Variants in CELF6 observed in about 807,000 individuals in gnomAD.
The protein encoded by CELF6 is CUGBP Elav-like family member 6.
A neutral mutation model predicts 53.1 loss-of-function variants in CELF6; 32 were observed. The ratio of observed to expected loss-of-function variants is 0.60; its 90% confidence interval spans 0.46 to 0.81. CELF6 has a LOEUF of 0.81. Among genes scored for constraint, CELF6 ranks in the 30% least tolerant of loss-of-function variants. The probability of loss-of-function intolerance (pLI) is 0.00; values close to 1 mark genes in which losing one functional copy is unlikely to be tolerated. For synonymous variants in CELF6, 291 were observed against 288.8 expected (o/e 1.01, Z -0.08); for missense variants, 539 against 669.5 (o/e 0.81, Z 2.15).
rs1430876209 is a variant in CELF6, at chr15:72,319,859, C to T, written c.16G>A (p.Gly6Arg). The change falls in exon 1 of 13, where the codon GGA (glycine) becomes AGA (arginine). Residue 6 changes from glycine (G) to arginine (R), a missense_variant. Gly to Arg is a moderately radical substitution (Grantham distance 125). This residue lies in a region of CELF6 where 84 missense variants were observed against 87.9 expected (regional missense o/e 0.96). Transcript: ENST00000287202. The surrounding 1 kb of genome is among the most constrained non-coding windows in gnomAD (Gnocchi z 5.0). ...GGGCCAGCGGGCTGCGCTGACCCTC[C>T]CGGCGCCGCGGCCATGTCCCCGCCC... MAAAP[G>R]GSAQPAGPGP... The T allele has an allele frequency of 6.6e-7, 1 of 1,512,648 alleles. No individual in the cohort carries two copies. The highest frequency in any genetic ancestry group is 1.4e-5 in the African/African-American group (1 of 71,482). The allele number at this position is 1,512,648 out of a possible 1,614,324, so 93.7% of individuals were successfully genotyped here.
At position 72,304,749 on chromosome 15, in the gene CELF6, C is replaced by T; in HGVS notation, c.391G>A (p.Gly131Arg). 1.2e-6 allele frequency: 2 copies of T among 1,614,158 alleles called. No individual in the cohort carries two copies. Among genetic ancestry groups the T allele is most frequent in the Middle Eastern group, 1.7e-4 (1 of 6,060 alleles). The part of the protein sequence containing the change: ...QVKPAASEGR[G>R]EDRKLFVGML... The stretch of plus-strand genomic sequence containing the variant: ...GTTGGTCAGACAGGGAAGTTACCTC[C>T]TCGGCCCTCACTGGCAGCTGGCTTC... Residue 131 changes from glycine (G) to arginine (R), a missense_variant, in exon 3 of 13, where the codon GGA becomes AGA. Coordinates refer to ENST00000287202, the MANE Select transcript of CELF6 (RefSeq NM_052840.5).
chr15:72,317,462 G>A (rs1192586493), intron 1 of CELF6, among the ~76,000 whole-genome samples: 1 of 152,208 alleles, frequency 6.6e-6, no homozygotes, highest in Non-Finnish European at 1.5e-5. Context: ...TTAGAGAACT[G>A]AGCAAAACTC....
chr15:72,319,562 C>T lies in CELF6; in HGVS notation c.262+51G>A. 6.7e-7 allele frequency: 1 copy of T among 1,491,892 alleles called. No homozygotes were observed. Among genetic ancestry groups the T allele is most frequent in the Non-Finnish European group, 9.0e-7 (1 of 1,114,586 alleles). 92.4% of individuals were successfully genotyped at this position (1,491,892 alleles called of 1,614,324 possible). A position where few individuals can be genotyped will look rare whatever the true frequency, so the allele number is the denominator to read the frequency against. The stretch of plus-strand genomic sequence containing the variant: ...GGGCTGGGGCTGGGCTGGGGTCGGG[C>T]CACACTCTAATCGGATTGGGGCTGG... On this transcript the variant is annotated intron_variant, in intron 1 of 12. Coordinates refer to ENST00000287202, the MANE Select transcript of CELF6 (RefSeq NM_052840.5). This position sits in a 1 kb window ranked among gnomAD's most constrained non-coding sequence, Gnocchi z 5.0.
In CELF6 at chr15:72,289,459, G is replaced by T; in HGVS notation, c.796C>A (p.Leu266Ile). Residue 266 changes from leucine (L) to isoleucine (I), a missense_variant, in exon 7 of 13, where the codon CTA (leucine) becomes ATA (isoleucine). Physicochemically the swap from Leu to Ile is conservative, Grantham distance 5. Coordinates refer to ENST00000287202, the MANE Select transcript of CELF6 (RefSeq NM_052840.5). The surrounding 1 kb of genome is among the most constrained non-coding windows in gnomAD (Gnocchi z 7.6). ...ALLAAAQGPG[L>I]GPVAAVAAQM... ...GCCGCCACTGCCGCCACCGGGCCTA[G>T]GCCTGGGCCCTGTGCCGCCGCCAGC... is the stretch of plus-strand genomic sequence containing the variant. 3.9e-6 allele frequency: 6 copies of T among 1,538,364 alleles called. No individual in the cohort carries two copies. The highest frequency in any genetic ancestry group is 5.2e-6 in the Non-Finnish European group (6 of 1,148,556).
At chr15:72,290,302 AC>A in intron 3 of CELF6, 47 bp from the exon 4 acceptor site, 5 of 1,589,834 alleles carry the variant, frequency 3.1e-6, no homozygotes, top group Non-Finnish European at 4.3e-6. Flanking sequence ...GTCTTCCTAG[AC>A]CCCCGAGAGT....
intron 2 of CELF6, among the ~76,000 whole-genome samples, chr15:72,314,589 G>GGTTTTTTTTTTTTTTTTTTTTTTTTTT (rs2088337489): frequency 1.0e-5 from 1 of 97,858 alleles, no homozygotes; most frequent in African/African-American, 4.8e-5. Flanking sequence ...AAAACCCAGT[G>GGTTTTTTTTTTTTTTTTTTTTTTTTTT]TTTTTTTTTT....
chr15:72,290,447 A>C (rs1418897707), intron 3 of CELF6, among the ~76,000 whole-genome samples, 192 bp from the exon 4 acceptor site: 2 of 152,198 alleles, frequency 1.3e-5, no homozygotes, highest in African/African-American at 2.4e-5. Flanking sequence ...AAGGGAGCTC[A>C]GCTCAGCTTT....
intron 3 of CELF6, among the ~76,000 whole-genome samples, chr15:72,292,801 G>A (rs997789487): frequency 1.3e-5 from 2 of 152,220 alleles, no homozygotes; most frequent in African/African-American, 4.8e-5. Context: ...GCCAAGGTGG[G>A]CTGATCACTT....
In CELF6 at chr15:72,289,593, T is replaced by C; in HGVS notation, c.747+34A>G. On this transcript the variant is annotated intron_variant, in intron 6 of 12. Transcript: ENST00000287202. The surrounding 1 kb of genome is among the most constrained non-coding windows in gnomAD (Gnocchi z 7.6). The stretch of plus-strand genomic sequence containing the variant: ...CAGCCCCAGGCCTGGCCCACCCACC[T>C]GCGCGCCCTCGCACGCAGGTGCCCG... 1 of 1,477,222 alleles carries C rather than the reference T, an allele frequency of 6.8e-7. No homozygotes were observed. Among genetic ancestry groups the C allele is most frequent in the Non-Finnish European group, 8.9e-7 (1 of 1,121,636 alleles). 91.5% of individuals were successfully genotyped at this position (1,477,222 alleles called of 1,614,324 possible). A position where few individuals can be genotyped will look rare whatever the true frequency, so the allele number is the denominator to read the frequency against.
chr15:72,292,633 C>G (rs1482895620), intron 3 of CELF6, among the ~76,000 whole-genome samples: 1 of 152,256 alleles, frequency 6.6e-6, no homozygotes, highest in Non-Finnish European at 1.5e-5. Context: ...GAGGTTTGTA[C>G]TGACAGTGGT....
intron 3 of CELF6, among the ~76,000 whole-genome samples, chr15:72,300,430 T>G (rs8040243): frequency 1.4e-3 from 214 of 151,880 alleles, no homozygotes; most frequent in African/African-American, 5.0e-3. Flanking sequence ...ATATACAATA[T>G]GTATGTTGGT....
intron 4 of CELF6, 34 bp downstream of exon 4, chr15:72,290,093 G>GAGGC: frequency 6.2e-7 from 1 of 1,613,172 alleles, no homozygotes; most frequent in African/African-American, 1.3e-5. Flanking sequence ...GTGAGGAAGG[G>GAGGC]TCACCAGGAA....
intron 2 of CELF6, among the ~76,000 whole-genome samples, chr15:72,305,549 G>GT (rs1197368558): frequency 6.6e-6 from 1 of 152,186 alleles, no homozygotes; most frequent in East Asian, 1.9e-4. Flanking sequence ...CCAAGCTGCT[G>GT]TATCACTAGA....
At chr15:72,295,989 C>T (rs1219814096) in intron 3 of CELF6, among the ~76,000 whole-genome samples, 6 of 152,156 alleles carry the variant, frequency 3.9e-5, no homozygotes, top group Non-Finnish European at 8.8e-5. Context: ...ACATATTACA[C>T]AGCTATAGTA....
chr15:72,290,358 A>C, intron 3 of CELF6, 103 bp from the exon 4 acceptor site: 3 of 1,383,558 alleles, frequency 2.2e-6, no homozygotes, highest in Non-Finnish European at 2.9e-6. Flanking sequence ...TCACTCTGGG[A>C]AGCAGAGGGA....
chr15:72,314,043 GTCTC>G (rs1468015870), intron 2 of CELF6, among the ~76,000 whole-genome samples: 2 of 152,168 alleles, frequency 1.3e-5, no homozygotes. Flanking sequence ...CCACACCCAG[GTCTC>G]TCTGACTCAG....
Position 72,314,019 on chromosome 15 carries a change from T to C in CELF6, c.345+1826A>G, listed in dbSNP as rs542893065. On this transcript the variant is annotated intron_variant, in intron 2 of 12. Coordinates refer to ENST00000287202, the MANE Select transcript of CELF6 (RefSeq NM_052840.5). ...TGCCCAAAGTCACAAAGCTAGTGAGTGGTGGGCCTGGATCCACACCCAGGT... is the reference window on the plus strand; with the variant it reads ...TGCCCAAAGTCACAAAGCTAGTGAGCGGTGGGCCTGGATCCACACCCAGGT... 9.2e-5 allele frequency among the ~76,000 whole-genome samples: 14 copies of C among 152,126 alleles called. No individual in the cohort carries two copies. The South Asian group carries it at 2.9e-3, about 32-fold the overall frequency.
Position 72,288,577 on chromosome 15 carries a change from GA to G in CELF6, c.1134del (p.Gln380SerfsTer78). On this transcript the variant is annotated frameshift_variant, in exon 10 of 13. Transcript: ENST00000287202. LOFTEE classifies it high-confidence loss of function. The surrounding 1 kb of genome is among the most constrained non-coding windows in gnomAD (Gnocchi z 4.6). The part of the protein sequence containing the change: ...PSAYAPVSTA[F>X]PQQPSALPQQ... ...TGGGGCAGGGCTGAAGGCTGCTGGG[GA>G]AAAGCTGTGCTCACTGGGGCATAGG... 1 of 1,585,646 alleles carries G rather than the reference GA, an allele frequency of 6.3e-7. No homozygotes were observed. The highest frequency in any genetic ancestry group is 1.2e-5 in the South Asian group (1 of 85,772).
chr15:72,288,869 T>G lies in CELF6; in HGVS notation c.1092A>C (p.Ala364=), dbSNP rs763559382. 1 of 1,550,862 alleles carries G rather than the reference T, an allele frequency of 6.4e-7. No homozygotes were observed. The highest frequency in any genetic ancestry group is 1.2e-5 in the South Asian group (1 of 84,072). The change falls in exon 9 of 13, where the codon GCA becomes GCC. Residue 364 remains alanine (A), a splice_region_variant and synonymous_variant. Transcript: ENST00000287202. This position sits in a 1 kb window ranked among gnomAD's most constrained non-coding sequence, Gnocchi z 4.6. ...AGGCCGCGTAGCGCCAAGTGAAACC[T>G]GCGTAGTGGTGCATCCCAGCGTAGG... The part of the protein sequence containing the change: ...QQAYAGMHHY[A]AAYPSAYAPV...
Sources: gnomAD v4.1 joint callset for allele counts (sites outside exome capture counted in the v4.1 genomes callset) on GRCh38, gnomAD v4.1.1 for gene constraint, gnomAD v4.1.1 regional missense constraint, Gnocchi (gnomAD v3.1) non-coding constraint, MANE v1.5 for transcripts, NCBI Gene and HGNC (gene_info 2026-07-23, HGNC 2026-07-21) for gene names.